ABCC3: variants seen among roughly 807,000 people sequenced by gnomAD.
ABCC3 encodes the protein ATP-binding cassette sub-family C member 3.
ABCC3 carries 121 observed loss-of-function variants against 165.3 expected under a neutral mutation model. The ratio of observed to expected loss-of-function variants is 0.73; its 90% CI spans 0.63 to 0.85. The LOEUF is 0.85. Among genes scored for constraint, ABCC3 ranks in the 40% least tolerant of loss-of-function variants. The pLI is 0.00. For synonymous variants in ABCC3, 733 were observed against 810.1 expected (o/e 0.90, Z 1.62); for missense variants, 1,869 against 1,964.1 (o/e 0.95, Z 0.92).
chr17:50,635,810 G>C, intron 1 of ABCC3: 1 of 571,474 alleles, frequency 1.7e-6, no homozygotes, highest in Non-Finnish European at 3.1e-6. Flanking sequence ...TTCAGCCCAG[G>C]AGTTTTAGAT....
At position 50,660,913 on chromosome 17, in the gene ABCC3, C is replaced by G. The variant is rs373946035; in HGVS notation, c.807-10C>G. The G allele has an allele frequency of 1.9e-6, 3 of 1,584,810 alleles. No homozygotes were observed. The highest frequency in any genetic ancestry group is 2.6e-6 in the Non-Finnish European group (3 of 1,166,086). ...ATTCCTAACCCACTGCTCCTTCCTC[C>G]CTGGACCAGACACAAGGCTTCAGCA... On this transcript the variant is annotated splice_polypyrimidine_tract_variant and intron_variant, in intron 7 of 30. Coordinates refer to ENST00000285238, the MANE Select transcript of ABCC3 (RefSeq NM_003786.4).
chr17:50,680,395 G>A (rs544165038), intron 26 of ABCC3, among the ~76,000 whole-genome samples: 10 of 152,138 alleles, frequency 6.6e-5, no homozygotes, highest in Non-Finnish European at 1.0e-4. Context: ...GTTCCCTACT[G>A]GGGGTTCCAG....
chr17:50,660,035 G>A (rs1353866578), intron 7 of ABCC3, among the ~76,000 whole-genome samples: 1 of 152,040 alleles, frequency 6.6e-6, no homozygotes, highest in Non-Finnish European at 1.5e-5. Context: ...ATTTAACAGA[G>A]GGCCTCCCAG....
At chr17:50,668,593 G>A (rs569499463) in intron 14 of ABCC3, 76 bp downstream of exon 14, 1 of 1,211,748 alleles carries the variant, frequency 8.3e-7, no homozygotes, top group Admixed American at 1.9e-5. Context: ...CTTTTCCTTT[G>A]TTCTCTCCTG....
At chr17:50,663,536 C>T in intron 8 of ABCC3, 145 bp from the exon 9 acceptor site, 1 of 925,510 alleles carries the variant, frequency 1.1e-6, no homozygotes. Context: ...CTGGGTTGAC[C>T]CTCCCTGGCC....
At chr17:50,647,168 T>C (rs9893660) in intron 1 of ABCC3, among the ~76,000 whole-genome samples, 99,057 of 152,154 alleles carry the variant, frequency 0.65, 33,019 homozygotes, top group Non-Finnish European at 0.73. Context: ...TAAGCCATTG[T>C]GCCCGGCCAA....
chr17:50,656,144 G>GTT, intron 2 of ABCC3, 136 bp downstream of exon 2: 7 of 723,830 alleles, frequency 9.7e-6, no homozygotes, highest in South Asian at 4.4e-5. Flanking sequence ...GGAGTGCAGT[G>GTT]GCATGATCTT....
chr17:50,645,787 A>T (rs1461900066), intron 1 of ABCC3, among the ~76,000 whole-genome samples: 1 of 152,146 alleles, frequency 6.6e-6, no homozygotes, highest in Non-Finnish European at 1.5e-5. Flanking sequence ...TTTTGTAGAG[A>T]CAGCGTCTTG....
rs774293390 is a variant in ABCC3 at position 50,676,522 on chromosome 17, C to T, written c.3312C>T (p.Ile1104=). The change falls in exon 23 of 31, where the codon ATC becomes ATT. Residue 1104 remains isoleucine, a synonymous_variant. Transcript: ENST00000285238. ...FFNAISTLVV[I]MASTPLFTVV... is the part of the protein sequence containing the mutation. ...ACGCCATCTCCACTCTTGTGGTCAT[C>T]ATGGCCAGCACGCCGCTCTTCACTG... is the stretch of plus-strand genomic sequence containing the variant. 1.9e-6 allele frequency: 3 copies of T among 1,614,188 alleles called. No homozygotes were observed. Among genetic ancestry groups the T allele is most frequent in the East Asian group, 2.2e-5 (1 of 44,890 alleles).
intron 1 of ABCC3, among the ~76,000 whole-genome samples, chr17:50,644,255 G>A (rs1459344219): frequency 7.3e-6 from 1 of 137,070 alleles, no homozygotes; most frequent in East Asian, 2.1e-4. Context: ...AGGTTGCAGT[G>A]AGCCAAGGTC....
At chr17:50,687,260 G>A (rs1051785293) in intron 29 of ABCC3, 9 of 451,170 alleles carry the variant, frequency 2.0e-5, no homozygotes, top group Admixed American at 3.5e-5. Context: ...AAGCAAGGAT[G>A]GGGAAGAAAG....
At position 50,678,163 on chromosome 17, in the gene ABCC3, G is replaced by A. The variant is rs768867306; in HGVS notation, c.3649G>A (p.Gly1217Arg). The change falls in exon 25 of 31, where the codon GGG becomes AGG. Residue 1217 changes from glycine (G) to arginine (R), a missense_variant. Physicochemically the swap from Gly to Arg is moderately radical, Grantham distance 125 (BLOSUM62 -2). Transcript: ENST00000285238. ...VLFAALFAVI[G>R]RSSLNPGLVG... ...CTTTGCTGCACTATTTGCCGTCATC[G>A]GGAGGAGCAGCCTGAACCCGGGGCT... 45 of 1,551,508 alleles carry A rather than the reference G, an allele frequency of 2.9e-5. No individual in the cohort carries two copies. Among genetic ancestry groups the A allele is most frequent in the South Asian group, 2.5e-4 (20 of 79,190 alleles).
chr17:50,643,153 A>T (rs1159577893), intron 1 of ABCC3, among the ~76,000 whole-genome samples: 4 of 152,230 alleles, frequency 2.6e-5, no homozygotes, highest in African/African-American at 9.6e-5. Flanking sequence ...CCCCATGTAG[A>T]TGAGGCTCTG....
intron 19 of ABCC3, among the ~76,000 whole-genome samples, chr17:50,674,018 C>CTTTCTTTCTTTCTT (rs1567835666): frequency 1.2e-4 from 1 of 8,250 alleles, no homozygotes; most frequent in Non-Finnish European, 2.6e-4. Context: ...CTCTCTCTCT[C>CTTTCTTTCTTTCTT]TCTCTCTCTC....
chr17:50,675,551 G>A, intron 20 of ABCC3, 75 bp downstream of exon 20: 1 of 1,572,642 alleles, frequency 6.4e-7, no homozygotes, highest in Non-Finnish European at 8.6e-7. Context: ...TGGGGTGCAG[G>A]TTTCTCCCTG....
chr17:50,670,922 C>A (rs541340116), intron 17 of ABCC3, among the ~76,000 whole-genome samples: 1 of 152,242 alleles, frequency 6.6e-6, no homozygotes, highest in Non-Finnish European at 1.5e-5. Context: ...AAATTTGGGG[C>A]TTTGCTTTTT....
chr17:50,676,448 G>A lies in ABCC3; in HGVS notation c.3238G>A (p.Asp1080Asn), dbSNP rs79053210. The stretch of plus-strand genomic sequence containing the variant: ...CTTCTCCAAGGACATCTATGTCGTT[G>A]ATGAGGTTCTGGCCCCTGTCATCCT... ...NCFSKDIYVVDEVLAPVILML... is the reference protein window; with the variant it reads ...NCFSKDIYVVNEVLAPVILML... The change falls in exon 23 of 31, where the codon GAT becomes AAT. Residue 1080 changes from aspartate to asparagine, a missense_variant. Asp to Asn is a conservative substitution (Grantham distance 23, BLOSUM62 1). Coordinates refer to ENST00000285238, the MANE Select transcript of ABCC3 (RefSeq NM_003786.4). 4.3e-6 allele frequency: 7 copies of A among 1,614,196 alleles called. No homozygotes were observed. Among genetic ancestry groups the A allele is most frequent in the Non-Finnish European group, 5.1e-6 (6 of 1,180,046 alleles).
chr17:50,652,582 C>G (rs1340680059), intron 1 of ABCC3, among the ~76,000 whole-genome samples: 3 of 152,182 alleles, frequency 2.0e-5, no homozygotes, highest in Non-Finnish European at 2.9e-5. Flanking sequence ...TCAAAACTTT[C>G]CCACTGTGGC....
intron 10 of ABCC3, 113 bp downstream of exon 10, chr17:50,664,224 A>T: frequency 7.1e-7 from 1 of 1,405,386 alleles, no homozygotes; most frequent in Non-Finnish European, 9.7e-7. Flanking sequence ...CCAGCTGCTC[A>T]GGCGGCTGAG....
Sources: allele counts gnomAD v4.1 joint callset (sites outside exome capture counted in the v4.1 genomes callset), GRCh38; gene constraint gnomAD v4.1.1; transcripts MANE v1.5; gene names NCBI Gene and HGNC (gene_info 2026-07-23, HGNC 2026-07-21).